The following SERGEF variants were observed in gnomAD, a reference collection of about 807,000 sequenced individuals.
SERGEF encodes secretion-regulating guanine nucleotide exchange factor.
SERGEF carries 51 observed loss-of-function variants against 50.0 expected under a neutral mutation model. The observed-to-expected ratio is 1.02, with a 90% CI of 0.81 to 1.29. The LOEUF (loss-of-function observed/expected upper bound fraction) is 1.29, where lower values mean the gene tolerates loss of function less well. SERGEF is among the 50% of genes most tolerant of loss of function. The pLI, the probability that SERGEF is intolerant of heterozygous loss-of-function variation, is 0.00. For missense variants in SERGEF, 521 were observed against 557.0 expected (o/e 0.94, Z 0.65); for synonymous variants, 205 against 212.4 (o/e 0.97, Z 0.30).
intron 10 of SERGEF, chr11:17,854,109 A>C (rs1850769470): frequency 1.3e-5 from 2 of 152,052 alleles, no homozygotes. Flanking sequence ...CAGAATAGTG[A>C]CACTTACATA....
chr11:17,988,549 G>C (rs1200181409), intron 8 of SERGEF, 48 bp downstream of exon 8: 4 of 1,596,310 alleles, frequency 2.5e-6, no homozygotes, highest in Non-Finnish European at 3.4e-6. Context: ...TTAGACAGCT[G>C]TCCCCCAGCT....
intron 10 of SERGEF, among the ~76,000 whole-genome samples, chr11:17,808,516 A>G (rs1700095138): frequency 6.6e-6 from 1 of 152,238 alleles, no homozygotes; most frequent in African/African-American, 2.4e-5. Flanking sequence ...ACCACTCAAG[A>G]GGGATCTGCC....
chr11:17,839,212 A>C (rs949847064), intron 10 of SERGEF, among the ~76,000 whole-genome samples: 2 of 152,216 alleles, frequency 1.3e-5, no homozygotes, highest in African/African-American at 4.8e-5. Context: ...AGGATTTTGC[A>C]GGCAGCAAGC....
At chr11:17,938,994 AT>A (rs1852508840) in intron 9 of SERGEF, among the ~76,000 whole-genome samples, 1 of 152,176 alleles carries the variant, frequency 6.6e-6, no homozygotes, top group Non-Finnish European at 1.5e-5. Context: ...CTATTATAGG[AT>A]AGAGCATAAT....
At chr11:17,793,957 C>A (rs1849530658) in intron 10 of SERGEF, among the ~76,000 whole-genome samples, 1 of 152,350 alleles carries the variant, frequency 6.6e-6, no homozygotes, top group African/African-American at 2.4e-5. Flanking sequence ...ATACCCAAAT[C>A]TGTTCAGGTC....
intron 9 of SERGEF, among the ~76,000 whole-genome samples, chr11:17,917,414 G>C (rs190909654): frequency 7.3e-5 from 11 of 151,706 alleles, no homozygotes; most frequent in Admixed American, 4.6e-4. Flanking sequence ...AATGACTCAG[G>C]GGGGAAGGGT....
intron 10 of SERGEF, among the ~76,000 whole-genome samples, chr11:17,834,506 TA>T (rs1850367940): frequency 1.3e-5 from 2 of 152,226 alleles, no homozygotes; most frequent in African/African-American, 2.4e-5. Context: ...AAAAACTTAT[TA>T]AACTTATTAA....
intron 10 of SERGEF, among the ~76,000 whole-genome samples, chr11:17,833,855 A>C (rs1389076676): frequency 6.6e-6 from 1 of 152,116 alleles, no homozygotes; most frequent in Non-Finnish European, 1.5e-5. Context: ...AATGCCTGTA[A>C]CCCCATGGTA....
chr11:17,906,837 A>C (rs1851853254), intron 9 of SERGEF, among the ~76,000 whole-genome samples: 2 of 151,804 alleles, frequency 1.3e-5, no homozygotes, highest in Admixed American at 1.3e-4. Flanking sequence ...AAAAAAAAAA[A>C]AAAAACCTCA....
rs1850036618 is a variant in SERGEF at position 17,819,478 on chromosome 11, T to C, written c.1049-31065A>G. Among the ~76,000 whole-genome samples, 4 of 152,234 alleles carry C rather than the reference T, an allele frequency of 2.6e-5. 1 individual carries two copies. The South Asian group carries it at 8.3e-4, about 32-fold the overall frequency. ...TCAAAGCTCAAAAAAATCTGTATTC[T>C]TCAGATAACAAAACAGAGGCTTGGA... On this transcript the variant is annotated intron_variant, in intron 10 of 10. Coordinates refer to ENST00000265965, the MANE Select transcript of SERGEF (RefSeq NM_012139.4).
At chr11:17,979,896 G>C (rs1853458072) in intron 8 of SERGEF, among the ~76,000 whole-genome samples, 1 of 152,166 alleles carries the variant, frequency 6.6e-6, no homozygotes, top group South Asian at 2.1e-4. Flanking sequence ...TTCACCTGCA[G>C]ACACAGCCGC....
At chr11:17,839,842 A>G (rs1850468879) in intron 10 of SERGEF, among the ~76,000 whole-genome samples, 1 of 152,210 alleles carries the variant, frequency 6.6e-6, no homozygotes, top group African/African-American at 2.4e-5. Flanking sequence ...CTAATTTTAT[A>G]GACTAGAAGA....
At chr11:17,843,873 C>T (rs1850552993) in intron 10 of SERGEF, among the ~76,000 whole-genome samples, 1 of 152,142 alleles carries the variant, frequency 6.6e-6, no homozygotes, top group South Asian at 2.1e-4. Flanking sequence ...GCAAAGGATC[C>T]TAAAACATCA....
intron 9 of SERGEF, among the ~76,000 whole-genome samples, chr11:17,926,092 A>G (rs1193268034): frequency 6.6e-6 from 1 of 151,972 alleles, no homozygotes; most frequent in Non-Finnish European, 1.5e-5. Flanking sequence ...CCAATATTCC[A>G]CCCCTTCCAG....
intron 9 of SERGEF, among the ~76,000 whole-genome samples, chr11:17,949,881 T>C (rs1772578241): frequency 6.6e-6 from 1 of 152,136 alleles, no homozygotes; most frequent in Admixed American, 6.5e-5. Context: ...ACCAAGATGA[T>C]TATAAGACAT....
intron 10 of SERGEF, among the ~76,000 whole-genome samples, chr11:17,805,184 T>A (rs1849735555): frequency 6.6e-6 from 1 of 152,132 alleles, no homozygotes. Flanking sequence ...TGGGGCTGAG[T>A]GTCAGACCTG....
chr11:17,822,322 T>C (rs1289847819), intron 10 of SERGEF, among the ~76,000 whole-genome samples: 2 of 152,236 alleles, frequency 1.3e-5, no homozygotes, highest in African/African-American at 2.4e-5. Flanking sequence ...TCACAGGCGA[T>C]ACTAAATTTA....
intron 9 of SERGEF, among the ~76,000 whole-genome samples, chr11:17,951,248 T>A (rs1485054825): frequency 6.6e-6 from 1 of 152,240 alleles, no homozygotes; most frequent in Non-Finnish European, 1.5e-5. Context: ...TTTTTGTACA[T>A]GTACAGCACA....
At position 18,012,986 on chromosome 11, in the gene SERGEF, C is replaced by T. The variant is rs1011499232; in HGVS notation, c.25G>A (p.Glu9Lys). 2.1e-6 allele frequency: 3 copies of T among 1,463,144 alleles called. No homozygotes were observed. Among genetic ancestry groups the T allele is most frequent in the African/African-American group, 1.5e-5 (1 of 67,058 alleles). The allele number at this position is 1,463,144 out of a possible 1,614,324, so 90.6% of individuals were successfully genotyped here. ...AGCGCGGCCGCCGCGGGGGCGGCCT[C>T]CGAGGCGCTGGGCTCGCGCTCCATG... MEREPSAS[E>K]AAPAAAALFA... The change falls in exon 1 of 11, where the codon GAG becomes AAG. Residue 9 changes from glutamate (E) to lysine (K), a missense_variant. Glu to Lys is a moderately conservative substitution (Grantham distance 56, BLOSUM62 1). Coordinates refer to ENST00000265965, the MANE Select transcript of SERGEF (RefSeq NM_012139.4).
Sources: allele counts gnomAD v4.1 joint callset (sites outside exome capture counted in the v4.1 genomes callset), GRCh38; gene constraint gnomAD v4.1.1; transcripts MANE v1.5; gene names NCBI Gene and HGNC (gene_info 2026-07-23, HGNC 2026-07-21).